The following PAPLN variants were observed in gnomAD, a reference collection of about 807,000 sequenced individuals.
The protein encoded by PAPLN is papilin.
PAPLN carries 146 observed loss-of-function variants against 159.0 expected under a neutral mutation model. The observed-to-expected ratio is 0.92, with a 90% CI of 0.80 to 1.05. The LOEUF (loss-of-function observed/expected upper bound fraction) is 1.05. PAPLN is among the 50% of genes least tolerant of loss of function. The pLI is 0.00. For synonymous variants in PAPLN, 734 were observed against 702.9 expected, an observed-to-expected ratio of 1.04 and a Z score of -0.70; for missense variants, 1,720 against 1,743.9, an observed-to-expected ratio of 0.99 and a Z score of 0.24.
Position 73,272,654 on chromosome 14 carries a change from T to C in PAPLN, c.3827T>C (p.Ile1276Thr), listed in dbSNP as rs1462420903. 5.7e-6 allele frequency: 9 copies of C among 1,574,102 alleles called. No individual in the cohort carries two copies. The highest frequency in any genetic ancestry group is 4.0e-5 in the African/African-American group (3 of 74,418). Reference protein sequence around the residue: ...CSRFQPHAQPIWQ With the variant: ...CSRFQPHAQPTWQ ...CGTTTCCAGCCTCACGCTCAGCCCA[T>C]CTGGCAGTAGGGATGAAGGCTAGTT... Residue 1276 changes from isoleucine to threonine, a missense_variant, in exon 27 of 27, where the codon ATC (isoleucine) becomes ACC (threonine). Coordinates refer to ENST00000644200, the MANE Select transcript of PAPLN (RefSeq NM_001365906.3).
chr14:73,260,610 T>A, intron 16 of PAPLN, 99 bp from the exon 17 acceptor site: 11 of 1,330,486 alleles, frequency 8.3e-6, no homozygotes, highest in Admixed American at 5.9e-5. Context: ...GTCCCCACCC[T>A]GTCAGCCCCC....
chr14:73,243,493 T>G (rs1041450001), intron 2 of PAPLN: 2 of 152,258 alleles, frequency 1.3e-5, no homozygotes, highest in Non-Finnish European at 2.9e-5. Context: ...TCTCATTTGA[T>G]TCCCCCAGGT....
At chr14:73,266,453 A>G (rs780343029) in intron 23 of PAPLN, 48 bp from the exon 24 acceptor site, 1 of 1,603,590 alleles carries the variant, frequency 6.2e-7, no homozygotes, top group South Asian at 1.1e-5. Context: ...GCTGGAGGAG[A>G]GGGGAGGCTC....
intron 5 of PAPLN, among the ~76,000 whole-genome samples, chr14:73,249,333 C>T (rs1884959957): frequency 2.0e-5 from 3 of 152,204 alleles, no homozygotes. Flanking sequence ...TCATTTGTAA[C>T]TGCATAGTCA....
intron 5 of PAPLN, among the ~76,000 whole-genome samples, chr14:73,247,956 G>T (rs1884729912): frequency 7.9e-6 from 1 of 126,028 alleles, no homozygotes; most frequent in Non-Finnish European, 1.6e-5. Flanking sequence ...GTGGCTGTGG[G>T]CATGGCCCAC....
chr14:73,269,681 C>T (rs953857987), intron 26 of PAPLN, among the ~76,000 whole-genome samples: 3 of 152,190 alleles, frequency 2.0e-5, no homozygotes, highest in Non-Finnish European at 4.4e-5. Context: ...TTCTTGTTCA[C>T]GGAGGGACTG....
chr14:73,257,881 A>T (rs556604724), intron 14 of PAPLN, among the ~76,000 whole-genome samples: 145 of 146,336 alleles, frequency 9.9e-4, no homozygotes, highest in Non-Finnish European at 1.7e-3. Context: ...CTCCTGCCTT[A>T]GCGTCCTGAG....
chr14:73,259,203 C>A, intron 15 of PAPLN, 66 bp from the exon 16 acceptor site: 2 of 1,526,090 alleles, frequency 1.3e-6, no homozygotes, highest in Non-Finnish European at 1.8e-6. Flanking sequence ...GTGGGTCCAA[C>A]GTGGACAGGG....
Position 73,272,525 on chromosome 14 carries a change from G to C in PAPLN, c.3698G>C (p.Arg1233Thr), listed in dbSNP as rs1887833212. The change falls in exon 27 of 27, where the codon AGG (arginine) becomes ACG (threonine). Residue 1233 changes from arginine to threonine, a missense_variant. Transcript: ENST00000644200. ...ACCGCCCAGCCCAGGGACCCTGGCA[G>C]GGACTGCGTCGACCAGCCAGAGCTG... The part of the protein sequence containing the change: ...APTAQPRDPG[R>T]DCVDQPELAN... 2 of 1,574,564 alleles carry C rather than the reference G, an allele frequency of 1.3e-6. No homozygotes were observed. Among genetic ancestry groups the C allele is most frequent in the African/African-American group, 2.7e-5 (2 of 74,408 alleles).
At chr14:73,251,096 C>A (rs1885203120) in intron 7 of PAPLN, 66 bp downstream of exon 7, 3 of 1,550,016 alleles carry the variant, frequency 1.9e-6, no homozygotes, top group Non-Finnish European at 2.6e-6. Context: ...CCTTGCCTGT[C>A]CCTGCTCTGG....
At chr14:73,247,040 T>C (rs760313789) in intron 5 of PAPLN, among the ~76,000 whole-genome samples, 6 of 152,236 alleles carry the variant, frequency 3.9e-5, no homozygotes, top group Non-Finnish European at 8.8e-5. Flanking sequence ...ATGGTGTGTC[T>C]ATACCATTTT....
chr14:73,237,884 A>C (rs1318784919), intron 1 of PAPLN, among the ~76,000 whole-genome samples: 1 of 151,844 alleles, frequency 6.6e-6, no homozygotes, highest in Non-Finnish European at 1.5e-5. Flanking sequence ...CTTCAGGCGA[A>C]TGCCGCTCCC....
At chr14:73,258,935 C>T in intron 14 of PAPLN, 44 bp from the exon 15 acceptor site, 1 of 1,551,208 alleles carries the variant, frequency 6.4e-7, no homozygotes, top group Middle Eastern at 1.7e-4. Flanking sequence ...TCCATCCTCT[C>T]TTCCTCCCTC....
Position 73,266,633 on chromosome 14 carries a change from A to G in PAPLN, c.3391+5A>G. ...GGGTCCAGCTCAGAGTTCTGGGTAA[A>G]GTGGCAGTCCTGAGTGGCCTTTGAG... On this transcript the variant is annotated splice_donor_5th_base_variant and intron_variant, in intron 24 of 26. Coordinates refer to ENST00000644200, the MANE Select transcript of PAPLN (RefSeq NM_001365906.3). 6.2e-7 allele frequency: 1 copy of G among 1,614,122 alleles called. No homozygotes were observed. Among genetic ancestry groups the G allele is most frequent in the Non-Finnish European group, 8.5e-7 (1 of 1,180,016 alleles).
intron 7 of PAPLN, among the ~76,000 whole-genome samples, chr14:73,251,236 A>G (rs2140234140): frequency 6.6e-6 from 1 of 152,080 alleles, no homozygotes; most frequent in Non-Finnish European, 1.5e-5. Context: ...TCCTGCTGCC[A>G]CCGCCTGGAT....
At chr14:73,247,097 G>T (rs1476037578) in intron 5 of PAPLN, among the ~76,000 whole-genome samples, 1 of 152,098 alleles carries the variant, frequency 6.6e-6, no homozygotes, top group African/African-American at 2.4e-5. Context: ...TCCTCCCGTC[G>T]CACAGAGACG....
chr14:73,257,501 C>A, intron 14 of PAPLN, among the ~76,000 whole-genome samples: 1 of 151,938 alleles, frequency 6.6e-6, no homozygotes, highest in Non-Finnish European at 1.5e-5. Flanking sequence ...CATTTTCCAA[C>A]AATATTTTGT....
At chr14:73,254,313 A>G (rs981205997) in intron 12 of PAPLN, among the ~76,000 whole-genome samples, 200 bp from the exon 13 acceptor site, 2 of 152,168 alleles carry the variant, frequency 1.3e-5, no homozygotes, top group Non-Finnish European at 2.9e-5. Flanking sequence ...CAAATGGGTG[A>G]CAACCTCAGT....
At position 73,273,046 on chromosome 14, in the gene PAPLN, A is replaced by C. The variant is rs1229852584; in HGVS notation, c.*382A>C. Reference sequence around the variant, plus strand: ...GCCCAGGCTGGAGGGCAATGGCGCGATCTCAGCTCACTGCAACCTCCGTCT... The same window carrying C: ...GCCCAGGCTGGAGGGCAATGGCGCGCTCTCAGCTCACTGCAACCTCCGTCT... On this transcript the variant is annotated 3_prime_UTR_variant, in exon 27 of 27. Transcript: ENST00000644200. 1 of 157,262 alleles carries C rather than the reference A, an allele frequency of 6.4e-6. No individual in the cohort carries two copies. The highest frequency in any genetic ancestry group is 2.4e-5 in the African/African-American group (1 of 41,598). The allele number at this position is 157,262 out of a possible 1,614,324, so 9.7% of individuals were successfully genotyped here.
Sources: allele counts gnomAD v4.1 joint callset (sites outside exome capture counted in the v4.1 genomes callset), GRCh38; gene constraint gnomAD v4.1.1; transcripts MANE v1.5; gene names NCBI Gene and HGNC (gene_info 2026-07-23, HGNC 2026-07-21).